ROBO2: variants seen among roughly 807,000 people sequenced by gnomAD.
ROBO2 encodes the protein roundabout homolog 2.
Under a neutral mutation model 160.8 loss-of-function variants are expected in ROBO2, and 53 were observed. That is an observed-to-expected ratio of 0.33 (90% CI 0.26 to 0.41). The LOEUF (loss-of-function observed/expected upper bound fraction) is 0.41, where lower values mean the gene tolerates loss of function less well. Ranked by LOEUF, ROBO2 falls within the 10% of genes least tolerant of loss-of-function variation. ROBO2 has a pLI of 1.00. For synonymous variants in ROBO2, 664 were observed against 611.7 expected (o/e 1.09, Z -1.26); for missense variants, 1,577 against 1,722.4 (o/e 0.92, Z 1.49).
At chr3:77,597,317 A>AAATAAATAAATC in intron 19 of ROBO2, among the ~76,000 whole-genome samples, 1 of 151,516 alleles carries the variant, frequency 6.6e-6, no homozygotes. Context: ...ATAAATAAAT[A>AAATAAATAAATC]AATAAATAAA....
chr3:76,126,075 A>T (rs2070975239), intron 2 of ROBO2, among the ~76,000 whole-genome samples: 1 of 152,138 alleles, frequency 6.6e-6, no homozygotes, highest in African/African-American at 2.4e-5. Context: ...CGGCCTCCCA[A>T]AGTGCTGGGA....
chr3:76,373,529 G>A (rs539134715), intron 2 of ROBO2, among the ~76,000 whole-genome samples: 25 of 152,030 alleles, frequency 1.6e-4, no homozygotes, highest in African/African-American at 5.8e-4. Context: ...AGTACGTATT[G>A]TATTGTGTTA....
chr3:76,066,043 G>T (rs867378588), intron 2 of ROBO2, among the ~76,000 whole-genome samples: 29 of 151,570 alleles, frequency 1.9e-4, no homozygotes, highest in African/African-American at 1.9e-4. Context: ...TCCATCTAAG[G>T]TTACAACAGC....
At chr3:76,242,282 A>G (rs1403403382) in intron 2 of ROBO2, among the ~76,000 whole-genome samples, 1 of 152,132 alleles carries the variant, frequency 6.6e-6, no homozygotes, top group Non-Finnish European at 1.5e-5. Context: ...CCCCTTCTTC[A>G]GATACTCCTT....
intron 2 of ROBO2, among the ~76,000 whole-genome samples, chr3:76,237,862 G>A (rs35009470): frequency 0.33 from 50,489 of 152,126 alleles, 10,426 homozygotes; most frequent in Non-Finnish European, 0.45. Context: ...CAATGAACTC[G>A]TGTTCTAAGA....
intron 2 of ROBO2, among the ~76,000 whole-genome samples, chr3:76,282,473 AT>A (rs1049536546): frequency 3.6e-4 from 55 of 152,024 alleles, no homozygotes; most frequent in Admixed American, 2.8e-3. Context: ...AAAATTGTTT[AT>A]TTTTTTCTAA....
chr3:77,283,296 A>G (rs1366764961), intron 2 of ROBO2, among the ~76,000 whole-genome samples: 1 of 152,212 alleles, frequency 6.6e-6, no homozygotes, highest in African/African-American at 2.4e-5. Flanking sequence ...TCAAAACTTC[A>G]TTAATTGCTC....
chr3:77,603,290 T>C (rs1013399169), intron 20 of ROBO2, among the ~76,000 whole-genome samples: 2 of 152,138 alleles, frequency 1.3e-5, no homozygotes, highest in African/African-American at 2.4e-5. Context: ...AGAAAAATTA[T>C]GCCATTCTAC....
At chr3:77,513,007 A>C (rs2089592229) in intron 5 of ROBO2, among the ~76,000 whole-genome samples, 1 of 151,884 alleles carries the variant, frequency 6.6e-6, no homozygotes, top group African/African-American at 2.4e-5. Flanking sequence ...GATTTCAAAA[A>C]CTAAACATGT....
intron 2 of ROBO2, among the ~76,000 whole-genome samples, chr3:76,205,667 C>T (rs1364507308): frequency 6.6e-6 from 1 of 152,160 alleles, no homozygotes; most frequent in African/African-American, 2.4e-5. Context: ...TACACAGCCC[C>T]TCCCTCCTCT....
At chr3:77,626,817 A>G (rs1016875576) in intron 23 of ROBO2, among the ~76,000 whole-genome samples, 1 of 152,298 alleles carries the variant, frequency 6.6e-6, no homozygotes, top group Non-Finnish European at 1.5e-5. Context: ...TGGACCCCAC[A>G]TGAATATCAC....
intron 2 of ROBO2, among the ~76,000 whole-genome samples, chr3:77,180,931 G>A (rs972436351): frequency 1.3e-4 from 20 of 151,876 alleles, no homozygotes; most frequent in African/African-American, 4.8e-4. Flanking sequence ...AATGATTTTT[G>A]AAAAAGAGTT....
Position 76,507,129 on chromosome 3 carries a change from A to G in ROBO2, c.109+569527A>G, listed in dbSNP as rs140078643. Among the ~76,000 whole-genome samples, 8 of 152,286 alleles carry G rather than the reference A, an allele frequency of 5.3e-5. No homozygotes were observed. In the East Asian group the frequency reaches 1.5e-3, roughly 29 times the overall value. On this transcript the variant is annotated intron_variant, in intron 2 of 26. Coordinates refer to the ROBO2 transcript ENST00000487694. ...TGATTCATAAATTAACGAAATAGTT[A>G]CAATCAACATAAATTAGAAATTCGT...
rs531516701 is a variant in ROBO2, at chr3:76,312,789, C to A, written c.109+375187C>A. On this transcript the variant is annotated intron_variant, in intron 2 of 26. Coordinates refer to the ROBO2 transcript ENST00000487694. ...TCAAAGTTTAATTTCCTGCGTTAAA[C>A]TTAAGCAGTAAACTTTGGAGCTCTA... is the stretch of plus-strand genomic sequence containing the variant. Among the ~76,000 whole-genome samples the A allele has an allele frequency of 3.9e-5, 6 of 152,294 alleles. No individual in the cohort carries two copies. The South Asian group carries it at 1.2e-3, about 32-fold the overall frequency.
intron 4 of ROBO2, among the ~76,000 whole-genome samples, chr3:77,491,967 C>G (rs568552197): frequency 6.6e-6 from 1 of 152,170 alleles, no homozygotes; most frequent in African/African-American, 2.4e-5. Context: ...TTGATTTAGT[C>G]AATAAAATCA....
chr3:77,523,029 GTCCTCTCTATC>G, intron 6 of ROBO2, 127 bp downstream of exon 6: 1 of 1,052,200 alleles, frequency 9.5e-7, no homozygotes, highest in Non-Finnish European at 1.5e-6. Flanking sequence ...TAGATTTTGT[GTCCTCTCTATC>G]ATTAGTTGAA....
intron 2 of ROBO2, among the ~76,000 whole-genome samples, chr3:76,464,885 T>C (rs1168020759): frequency 6.6e-6 from 1 of 152,162 alleles, no homozygotes; most frequent in Non-Finnish European, 1.5e-5. Flanking sequence ...ATAAACCATT[T>C]CTTCCATTCA....
In ROBO2 at chr3:77,604,650, G is replaced by A. The variant is rs377491480; in HGVS notation, c.3136+2159G>A. ...TGATAGAAAGCATTCTTTAGTAGGT[G>A]AGAGTGATTATTCTCTTTTTAGTTT... On this transcript the variant is annotated intron_variant, in intron 20 of 25. Coordinates refer to ENST00000461745, the Ensembl canonical transcript of ROBO2. 8.0e-4 allele frequency among the ~76,000 whole-genome samples: 122 copies of A among 152,204 alleles called. 2 individuals are homozygous for A. The South Asian group carries it at 0.025, about 31-fold the overall frequency.
intron 2 of ROBO2, among the ~76,000 whole-genome samples, chr3:76,344,568 G>A (rs1041522277): frequency 2.0e-5 from 3 of 152,134 alleles, no homozygotes; most frequent in Non-Finnish European, 4.4e-5. Context: ...TATGTGAAAC[G>A]TGGACCTATT....
Sources: allele counts gnomAD v4.1 joint callset (sites outside exome capture counted in the v4.1 genomes callset), GRCh38; gene constraint gnomAD v4.1.1; transcripts MANE v1.5; gene names NCBI Gene and HGNC (gene_info 2026-07-23, HGNC 2026-07-21).